Variants in CSMD1 observed in about 807,000 individuals in gnomAD.
The protein encoded by CSMD1 is CUB and Sushi multiple domains 1, also known as CUB and sushi domain-containing protein 1.
CSMD1 carries 213 observed loss-of-function variants against 417.5 expected under a neutral mutation model. The observed-to-expected ratio is 0.51, with a 90% CI of 0.46 to 0.57. CSMD1 has a LOEUF of 0.57. Among genes scored for constraint, CSMD1 ranks in the 20% least tolerant of loss-of-function variants. CSMD1 has a pLI of 0.00. For missense variants in CSMD1, 6,923 were observed against 4,529.7 expected (o/e 1.53, Z -15.17); for synonymous variants, 2,862 against 1,736.8 (o/e 1.65, Z -16.11).
At chr8:4,151,340 C>G (rs6987394) in intron 3 of CSMD1, among the ~76,000 whole-genome samples, 1 of 152,164 alleles carries the variant, frequency 6.6e-6, no homozygotes, top group Non-Finnish European at 1.5e-5. Context: ...AGATAAATCA[C>G]TTATTTACAG....
At chr8:3,950,822 T>C (rs1306609899) in intron 5 of CSMD1, among the ~76,000 whole-genome samples, 1 of 151,926 alleles carries the variant, frequency 6.6e-6, no homozygotes, top group Non-Finnish European at 1.5e-5. Context: ...TTTAGTATAT[T>C]AAAATACTGT....
intron 10 of CSMD1, among the ~76,000 whole-genome samples, chr8:3,558,316 A>T (rs73179103): frequency 7.4e-6 from 1 of 135,140 alleles, no homozygotes; most frequent in Non-Finnish European, 1.6e-5. Flanking sequence ...CACTCCTCCA[A>T]TGATGAATGA....
At chr8:3,231,242 T>C (rs1001028287) in intron 26 of CSMD1, among the ~76,000 whole-genome samples, 1 of 152,184 alleles carries the variant, frequency 6.6e-6, no homozygotes, top group Admixed American at 6.5e-5. Context: ...AGATTTTTTC[T>C]CATTTTTACT....
chr8:4,039,053 C>CTGCAA (rs1554523829), intron 3 of CSMD1, among the ~76,000 whole-genome samples: 3 of 93,742 alleles, frequency 3.2e-5, no homozygotes, highest in African/African-American at 1.1e-4. Context: ...AAGCATGATA[C>CTGCAA]TACAATACAA....
chr8:3,511,615 G>A (rs989707079), intron 10 of CSMD1, among the ~76,000 whole-genome samples: 2 of 151,326 alleles, frequency 1.3e-5, no homozygotes, highest in African/African-American at 4.9e-5. Flanking sequence ...AAGATTAGCT[G>A]GGCATGGTAG....
intron 1 of CSMD1, among the ~76,000 whole-genome samples, chr8:4,681,509 G>A (rs1032075281): frequency 2.0e-5 from 3 of 152,134 alleles, no homozygotes; most frequent in Non-Finnish European, 4.4e-5. Context: ...TACGTTGTTA[G>A]GTAAGCCAAG....
intron 5 of CSMD1, among the ~76,000 whole-genome samples, chr8:3,971,502 G>A (rs1283273282): frequency 1.3e-5 from 2 of 152,144 alleles, no homozygotes; most frequent in African/African-American, 2.4e-5. Context: ...TGATAAATCA[G>A]AACTCCCGAA....
At chr8:4,196,511 C>T (rs1379710220) in intron 3 of CSMD1, among the ~76,000 whole-genome samples, 2 of 152,080 alleles carry the variant, frequency 1.3e-5, no homozygotes, top group East Asian at 1.9e-4. Context: ...ATTTATGGGG[C>T]CCACATTCCC....
intron 1 of CSMD1, among the ~76,000 whole-genome samples, chr8:4,757,745 G>C (rs567891862): frequency 1.6e-4 from 25 of 152,098 alleles, no homozygotes; most frequent in Non-Finnish European, 3.1e-4. Flanking sequence ...GATCACTTGA[G>C]GCCAGGAGTT....
chr8:4,808,168 C>G (rs773615319), intron 1 of CSMD1, among the ~76,000 whole-genome samples: 4 of 152,170 alleles, frequency 2.6e-5, no homozygotes, highest in Non-Finnish European at 5.9e-5. Flanking sequence ...TGTGGAGTCA[C>G]AGAGGGCGGC....
intron 1 of CSMD1, among the ~76,000 whole-genome samples, chr8:4,831,612 G>C (rs1263267586): frequency 1.3e-5 from 2 of 151,940 alleles, no homozygotes; most frequent in African/African-American, 4.8e-5. Flanking sequence ...ACAGCCACCT[G>C]GTGACACTCT....
intron 5 of CSMD1, among the ~76,000 whole-genome samples, chr8:3,754,506 G>T (rs1052157638): frequency 6.6e-6 from 1 of 151,722 alleles, no homozygotes; most frequent in Non-Finnish European, 1.5e-5. Flanking sequence ...CCAGGCTGGA[G>T]GGCAGTGGTG....
At chr8:3,586,317 G>GT in intron 8 of CSMD1, 57 bp from the exon 9 acceptor site, 1 of 1,431,950 alleles carries the variant, frequency 7.0e-7, no homozygotes. Context: ...GACTTCTTTA[G>GT]GAAAAAAAAA....
chr8:4,732,272 C>G (rs761276574), intron 1 of CSMD1, among the ~76,000 whole-genome samples: 10 of 151,944 alleles, frequency 6.6e-5, no homozygotes, highest in African/African-American at 2.4e-4. Context: ...TTGAAAGACA[C>G]TCTGCTAGAT....
At chr8:4,957,079 T>C (rs1475672934) in intron 1 of CSMD1, among the ~76,000 whole-genome samples, 2 of 152,226 alleles carry the variant, frequency 1.3e-5, no homozygotes, top group Non-Finnish European at 2.9e-5. Context: ...TTGCCAGATA[T>C]GCTAGAAGTA....
At chr8:4,144,874 C>G (rs548774506) in intron 3 of CSMD1, among the ~76,000 whole-genome samples, 25 of 150,918 alleles carry the variant, frequency 1.7e-4, no homozygotes, top group Non-Finnish European at 2.6e-4. Context: ...CTGGGAGAAG[C>G]TGAAATAGAA....
chr8:3,262,209 A>G (rs1428793253), intron 26 of CSMD1, among the ~76,000 whole-genome samples: 2 of 114,170 alleles, frequency 1.8e-5, no homozygotes, highest in African/African-American at 6.7e-5. Context: ...ATATATATAT[A>G]TATATATATA....
chr8:4,502,795 G>C (rs1443871430), intron 2 of CSMD1, among the ~76,000 whole-genome samples: 1 of 152,040 alleles, frequency 6.6e-6, no homozygotes, highest in African/African-American at 2.4e-5. Flanking sequence ...CCAATCTGTT[G>C]GACTCACCAG....
intron 8 of CSMD1, among the ~76,000 whole-genome samples, chr8:3,591,083 G>C (rs1004031267): frequency 1.3e-5 from 2 of 152,196 alleles, no homozygotes; most frequent in Admixed American, 6.5e-5. Flanking sequence ...GTCCGCCCTA[G>C]ATTAATTACG....
Sources: allele counts gnomAD v4.1 joint callset (sites outside exome capture counted in the v4.1 genomes callset), GRCh38; gene constraint gnomAD v4.1.1; transcripts MANE v1.5; gene names NCBI Gene and HGNC (gene_info 2026-07-23, HGNC 2026-07-21).